The following WNK2 variants were observed in gnomAD, a reference collection of about 807,000 sequenced individuals.
WNK2 encodes WNK lysine deficient protein kinase 2, also known as serine/threonine-protein kinase WNK2.
A neutral mutation model predicts 192.1 loss-of-function variants in WNK2; 67 were observed. The ratio of observed to expected loss-of-function variants is 0.35; its 90% CI spans 0.29 to 0.43. The LOEUF (loss-of-function observed/expected upper bound fraction) is 0.43. Ranked by LOEUF, WNK2 falls within the 20% of genes least tolerant of loss-of-function variation. The pLI is 1.00. For synonymous variants in WNK2, 1,439 were observed against 1,393.9 expected (o/e 1.03, Z -0.72); for missense variants, 2,698 against 3,089.7 (o/e 0.87, Z 3.01).
chr9:93,292,387 C>T lies in WNK2; in HGVS notation c.5016C>T (p.Ser1672=), dbSNP rs761626011. The part of the protein sequence containing the change: ...QVASDSHVVP[S]VPQDVPAFVR... Reference sequence around the variant, plus strand: ...CCTCAGACTCCCATGTGGTCCCCAGCGTCCCCCAGGTAAGGGCGACTTGAC... The same window carrying T: ...CCTCAGACTCCCATGTGGTCCCCAGTGTCCCCCAGGTAAGGGCGACTTGAC... Residue 1672 remains serine (S), a synonymous_variant, in exon 22 of 30, where the codon AGC becomes AGT. Coordinates refer to ENST00000427277, the MANE Select transcript of WNK2 (RefSeq NM_006648.4). 5 of 1,613,866 alleles carry T rather than the reference C, an allele frequency of 3.1e-6. No individual in the cohort carries two copies. The highest frequency in any genetic ancestry group is 2.7e-5 in the African/African-American group (2 of 74,944).
At chr9:93,207,270 T>C (rs1352803828) in intron 2 of WNK2, among the ~76,000 whole-genome samples, 1 of 152,208 alleles carries the variant, frequency 6.6e-6, no homozygotes, top group Non-Finnish European at 1.5e-5. Context: ...TCCTTTACCT[T>C]GTTCTAAAAT....
At chr9:93,238,667 C>G (rs1300963234) in intron 6 of WNK2, among the ~76,000 whole-genome samples, 1 of 152,236 alleles carries the variant, frequency 6.6e-6, no homozygotes, top group East Asian at 1.9e-4. Flanking sequence ...TCTCTCCAGC[C>G]TCTCTGCTCC....
intron 7 of WNK2, among the ~76,000 whole-genome samples, chr9:93,244,585 C>T (rs932079850): frequency 1.1e-4 from 16 of 152,306 alleles, no homozygotes; most frequent in South Asian, 2.1e-4. Flanking sequence ...AGCAGGAGGA[C>T]GTGGCCTTGG....
chr9:93,206,270 G>T (rs1282558003), intron 2 of WNK2, among the ~76,000 whole-genome samples: 1 of 152,208 alleles, frequency 6.6e-6, no homozygotes, highest in Non-Finnish European at 1.5e-5. Context: ...GAGCCCTCTG[G>T]TGCTGGTGGA....
chr9:93,246,195 C>T (rs527997673), intron 7 of WNK2, among the ~76,000 whole-genome samples: 12 of 152,300 alleles, frequency 7.9e-5, no homozygotes, highest in Middle Eastern at 3.4e-3. Flanking sequence ...GATTTGCCAG[C>T]GGGAGGCCCT....
At chr9:93,307,050 G>A (rs1054471433) in intron 27 of WNK2, 2 of 592,148 alleles carry the variant, frequency 3.4e-6, no homozygotes, top group Non-Finnish European at 6.0e-6. Flanking sequence ...GGTCTCGCCA[G>A]TTCACATCTA....
chr9:93,186,167 G>C (rs1277509753), intron 2 of WNK2, among the ~76,000 whole-genome samples: 1 of 152,226 alleles, frequency 6.6e-6, no homozygotes, highest in Admixed American at 6.5e-5. Context: ...ACCCAGAGGT[G>C]GTGCCTGGTA....
In WNK2 at chr9:93,252,983, G is replaced by C. The variant is rs143979324; in HGVS notation, c.1935G>C (p.Pro645=). Residue 645 remains proline, a synonymous_variant, in exon 9 of 30, where the codon CCG becomes CCC. Transcript: ENST00000427277. ...TTGGCTCCCTTGCCGACGCAGCGCC[G>C]TCCCCGGCCCAGTGTGTGTGCAGCC... ...VMLGSLADAA[P]SPAQCVCSPP... The C allele has an allele frequency of 6.4e-7, 1 of 1,566,796 alleles. No homozygotes were observed. The highest frequency in any genetic ancestry group is 8.6e-7 in the Non-Finnish European group (1 of 1,157,264).
chr9:93,199,944 G>A (rs536230030), intron 2 of WNK2, among the ~76,000 whole-genome samples: 8 of 150,378 alleles, frequency 5.3e-5, no homozygotes, highest in South Asian at 2.1e-4. Context: ...GAGCTAGGAT[G>A]GGGGGGCAGC....
rs1840458020 is a variant in WNK2, at chr9:93,239,851, A to G, written c.1417A>G (p.Thr473Ala). ...GGAGGAGGACCACGGCAGGAAGTCC[A>G]CCATCGCCCTGAGGCTCTGGGTGGA... The part of the protein sequence containing the change: ...LAEEDHGRKS[T>A]IALRLWVEDP... The change falls in exon 7 of 30, where the codon ACC becomes GCC. Residue 473 changes from threonine (T) to alanine (A), a missense_variant. Physicochemically the swap from Thr to Ala is moderately conservative, Grantham distance 58 (BLOSUM62 0). Around this residue, in one of 7 missense-constraint regions of WNK2, gnomAD observed 230 missense variants for 501.1 expected, o/e 0.46. Transcript: ENST00000427277. This position sits in a 1 kb window ranked among gnomAD's most constrained non-coding sequence, Gnocchi z 4.2. 1.3e-6 allele frequency: 2 copies of G among 1,599,678 alleles called. No homozygotes were observed. The highest frequency in any genetic ancestry group is 1.3e-5 in the African/African-American group (1 of 74,660).
At chr9:93,293,290 G>A in intron 23 of WNK2, 117 bp downstream of exon 23, 1 of 1,007,498 alleles carries the variant, frequency 9.9e-7, no homozygotes, top group Non-Finnish European at 1.3e-6. Context: ...CCCACTTGGA[G>A]CTGCCAAGCA....
chr9:93,203,807 G>A (rs186793567), intron 2 of WNK2, among the ~76,000 whole-genome samples: 183 of 152,270 alleles, frequency 1.2e-3, no homozygotes, highest in African/African-American at 4.2e-3. Flanking sequence ...AGGTGGTGTT[G>A]GAAGCCCTGT....
intron 8 of WNK2, among the ~76,000 whole-genome samples, chr9:93,250,633 TTTC>T (rs935753459): frequency 3.9e-5 from 6 of 152,194 alleles, no homozygotes; most frequent in African/African-American, 1.2e-4. Flanking sequence ...CTTGTTGTGT[TTTC>T]TTAAACTGCC....
intron 2 of WNK2, among the ~76,000 whole-genome samples, chr9:93,223,064 G>T (rs1837203509): frequency 6.6e-6 from 1 of 152,250 alleles, no homozygotes; most frequent in African/African-American, 2.4e-5. Context: ...TGTTGCTCAA[G>T]ATGAGGTTAA....
At chr9:93,275,499 C>T (rs1454347925) in intron 19 of WNK2, among the ~76,000 whole-genome samples, 3 of 152,212 alleles carry the variant, frequency 2.0e-5, no homozygotes, top group Non-Finnish European at 2.9e-5. Context: ...AAAAACCCAC[C>T]GTTTCCAGCA....
intron 19 of WNK2, among the ~76,000 whole-genome samples, chr9:93,285,539 A>G (rs1043255654): frequency 1.2e-4 from 19 of 152,216 alleles, no homozygotes; most frequent in African/African-American, 4.1e-4. Context: ...ACATCTGTAT[A>G]CCAAAAACTA....
chr9:93,201,882 T>C (rs927686018), intron 2 of WNK2, among the ~76,000 whole-genome samples: 5 of 151,956 alleles, frequency 3.3e-5, no homozygotes, highest in Admixed American at 2.0e-4. Flanking sequence ...TCCTGAACTG[T>C]TTATGGATGG....
At chr9:93,203,131 G>A (rs1043315670) in intron 2 of WNK2, among the ~76,000 whole-genome samples, 9 of 152,006 alleles carry the variant, frequency 5.9e-5, no homozygotes, top group Non-Finnish European at 1.5e-5. Flanking sequence ...TTTTCGGGGG[G>A]CGCTGGGAAG....
intron 19 of WNK2, 150 bp downstream of exon 19, chr9:93,268,896 GC>G: frequency 6.4e-7 from 1 of 1,567,058 alleles, no homozygotes; most frequent in Non-Finnish European, 8.6e-7. Context: ...AGCCTGTGGG[GC>G]TGTGTTCCTA....
Sources: gnomAD v4.1 joint callset for allele counts (sites outside exome capture counted in the v4.1 genomes callset) on GRCh38, gnomAD v4.1.1 for gene constraint, gnomAD v4.1.1 regional missense constraint, Gnocchi (gnomAD v3.1) non-coding constraint, MANE v1.5 for transcripts, NCBI Gene and HGNC (gene_info 2026-07-23, HGNC 2026-07-21) for gene names.